KIAA0825: variants seen among roughly 807,000 people sequenced by gnomAD.
The protein encoded by KIAA0825 is KIAA0825, also known as uncharacterized protein KIAA0825.
KIAA0825 carries 119 observed loss-of-function variants against 147.6 expected under a neutral mutation model. That is an observed-to-expected ratio of 0.81 (90% CI 0.69 to 0.94). The LOEUF is 0.94. KIAA0825 is among the 40% of genes least tolerant of loss of function. The probability of loss-of-function intolerance (pLI) is 0.00; values close to 1 mark genes in which losing one functional copy is unlikely to be tolerated. For missense variants in KIAA0825, 1,381 were observed against 1,472.7 expected, an observed-to-expected ratio of 0.94 and a Z score of 1.02; for synonymous variants, 470 against 518.1, an observed-to-expected ratio of 0.91 and a Z score of 1.26.
intron 2 of KIAA0825, among the ~76,000 whole-genome samples, chr5:94,573,748 A>C (rs1010272966): frequency 3.9e-5 from 6 of 152,224 alleles, no homozygotes; most frequent in Admixed American, 1.3e-4. Flanking sequence ...ATTCCCCCAC[A>C]AAGAAAGGCC....
In KIAA0825 at chr5:94,320,425, T is replaced by G. The variant is rs959687728; in HGVS notation, c.3710+63943A>C. ...CTACTCTACCTTCGAACACTAGAAC[T>G]TAAATACTAAGTGTATGTTTGTACC... On this transcript the variant is annotated intron_variant, in intron 20 of 20. Coordinates refer to ENST00000682413, the MANE Select transcript of KIAA0825 (RefSeq NM_001145678.3). 3.3e-5 allele frequency among the ~76,000 whole-genome samples: 5 copies of G among 151,980 alleles called. No individual in the cohort carries two copies. In the East Asian group the frequency reaches 9.7e-4, roughly 30 times the overall value.
chr5:94,169,438 G>A (rs758715842), intron 20 of KIAA0825, among the ~76,000 whole-genome samples: 9 of 151,730 alleles, frequency 5.9e-5, no homozygotes, highest in Non-Finnish European at 1.2e-4. Context: ...AAAAATTAGC[G>A]GGGCATGGTG....
At chr5:94,577,616 T>C (rs1378124770) in intron 2 of KIAA0825, among the ~76,000 whole-genome samples, 4 of 152,190 alleles carry the variant, frequency 2.6e-5, no homozygotes, top group Non-Finnish European at 5.9e-5. Flanking sequence ...CAAATCAGCT[T>C]TCAAAGTGGT....
Position 94,371,071 on chromosome 5 carries a change from T to G in KIAA0825, c.3710+13297A>C, listed in dbSNP as rs147829899. ...TGGTGGGGGAGCGGGTGGGATATTTTATATTTTATATCTTCCTGTACCATT... is the reference window on the plus strand; with the variant it reads ...TGGTGGGGGAGCGGGTGGGATATTTGATATTTTATATCTTCCTGTACCATT... On this transcript the variant is annotated intron_variant, in intron 20 of 20. Transcript: ENST00000682413. 9.3e-3 allele frequency among the ~76,000 whole-genome samples: 1,410 copies of G among 151,690 alleles called. 31 individuals carry two copies. Among genetic ancestry groups the G allele is most frequent in the African/African-American group, 0.033 (1,339 of 40,988 alleles).
chr5:94,532,980 C>CTT lies in KIAA0825; in HGVS notation c.131+4014_131+4015dup, dbSNP rs1163019137. Among the ~76,000 whole-genome samples the CTT allele has an allele frequency of 9.3e-5, 13 of 140,124 alleles. No individual in the cohort carries two copies. In the South Asian group the frequency reaches 1.4e-3, roughly 15 times the overall value. The allele number at this position is 140,124 out of a possible 152,430, so 91.9% of individuals were successfully genotyped here. On this transcript the variant is annotated intron_variant, in intron 3 of 20. Transcript: ENST00000682413. Reference sequence around the variant, plus strand: ...TTAAGGGGGAAAAATCATTCTGTGTCTTTTTTTTTTTTTTTTGAGACGGAG... The same window carrying CTT: ...TTAAGGGGGAAAAATCATTCTGTGTCTTTTTTTTTTTTTTTTTTGAGACGGAG...
chr5:94,550,206 G>A (rs1435710644), intron 2 of KIAA0825, among the ~76,000 whole-genome samples: 1 of 152,106 alleles, frequency 6.6e-6, no homozygotes, highest in East Asian at 1.9e-4. Flanking sequence ...TAAAACTCTG[G>A]TCCTGCACAG....
intron 1 of KIAA0825, among the ~76,000 whole-genome samples, chr5:94,607,696 G>A (rs73134676): frequency 0.011 from 1,660 of 152,124 alleles, 34 homozygotes; most frequent in African/African-American, 0.036. Flanking sequence ...CAAATTTATC[G>A]GCATAAAAAC....
chr5:94,536,090 C>T (rs55716495), intron 3 of KIAA0825, among the ~76,000 whole-genome samples: 26,523 of 152,116 alleles, frequency 0.17, 3,565 homozygotes, highest in African/African-American at 0.38. Context: ...CTACTACCTT[C>T]ATGGAGAGGA....
intron 14 of KIAA0825, among the ~76,000 whole-genome samples, chr5:94,426,299 T>C (rs897477025): frequency 6.6e-6 from 1 of 152,084 alleles, no homozygotes; most frequent in Admixed American, 6.6e-5. Flanking sequence ...AAGATATGGA[T>C]TCAACCTAAG....
chr5:94,596,446 G>C (rs964936527), intron 1 of KIAA0825, among the ~76,000 whole-genome samples: 1 of 152,096 alleles, frequency 6.6e-6, no homozygotes, highest in Non-Finnish European at 1.5e-5. Flanking sequence ...CTATGTGTCT[G>C]TTTTTATAGT....
At chr5:94,304,930 C>G (rs1051810312) in intron 20 of KIAA0825, among the ~76,000 whole-genome samples, 1 of 151,834 alleles carries the variant, frequency 6.6e-6, no homozygotes, top group African/African-American at 2.4e-5. Flanking sequence ...TTCAAAAAAT[C>G]CAAACCCTCA....
In KIAA0825 at chr5:94,608,464, T is replaced by TTA. The variant is rs1554056849; in HGVS notation, c.-153+10034_-153+10035dup. ...GTATGTGTGTGTGTATATATATATA[T>TTA]TATATATATAATATATATATATATA... On this transcript the variant is annotated intron_variant, in intron 1 of 20. Transcript: ENST00000682413. Among the ~76,000 whole-genome samples the TTA allele has an allele frequency of 1.1e-4, 2 of 18,328 alleles. 1 individual carries two copies. The highest frequency in any genetic ancestry group is 5.1e-4 in the African/African-American group (2 of 3,914). The allele number at this position is 18,328 out of a possible 152,430, so 12.0% of individuals were successfully genotyped here.
chr5:94,603,512 A>G (rs1305439297), intron 1 of KIAA0825, among the ~76,000 whole-genome samples: 1 of 152,180 alleles, frequency 6.6e-6, no homozygotes, highest in East Asian at 1.9e-4. Context: ...AAACAACCAC[A>G]TAAGAAGTGT....
chr5:94,160,845 A>G (rs1767512789), intron 20 of KIAA0825, among the ~76,000 whole-genome samples: 1 of 152,090 alleles, frequency 6.6e-6, no homozygotes, highest in South Asian at 2.1e-4. Flanking sequence ...GTCTCTCCAC[A>G]TTGTACAGTG....
chr5:94,440,714 G>T (rs771862989), intron 13 of KIAA0825, among the ~76,000 whole-genome samples: 4 of 151,940 alleles, frequency 2.6e-5, no homozygotes, highest in Non-Finnish European at 5.9e-5. Flanking sequence ...AAAGAATTCC[G>T]AGGCAAATAC....
intron 16 of KIAA0825, among the ~76,000 whole-genome samples, chr5:94,402,199 AT>A (rs1751470519): frequency 6.6e-6 from 1 of 152,164 alleles, no homozygotes; most frequent in Non-Finnish European, 1.5e-5. Context: ...ATAAGTAAGC[AT>A]TTTTTGAAAT....
intron 1 of KIAA0825, among the ~76,000 whole-genome samples, chr5:94,616,659 C>A (rs1790590565): frequency 6.6e-6 from 1 of 152,162 alleles, no homozygotes; most frequent in Admixed American, 6.5e-5. Context: ...GTCTCCAGAT[C>A]TTCTGCATTT....
chr5:94,294,167 CATT>C (rs1334448362), intron 20 of KIAA0825, among the ~76,000 whole-genome samples: 1 of 152,148 alleles, frequency 6.6e-6, no homozygotes, highest in East Asian at 1.9e-4. Flanking sequence ...TTGATCCTGT[CATT>C]ATGATGCTAG....
At chr5:94,456,030 T>A (rs1206339183) in intron 12 of KIAA0825, among the ~76,000 whole-genome samples, 2 of 152,046 alleles carry the variant, frequency 1.3e-5, no homozygotes, top group Non-Finnish European at 2.9e-5. Context: ...TGGTACAATG[T>A]GACAAGAGAT....
Sources: allele counts gnomAD v4.1 joint callset (sites outside exome capture counted in the v4.1 genomes callset), GRCh38; gene constraint gnomAD v4.1.1; transcripts MANE v1.5; gene names NCBI Gene and HGNC (gene_info 2026-07-23, HGNC 2026-07-21).